Variants in HTATIP2 observed in about 807,000 individuals in gnomAD.
The protein encoded by HTATIP2 is protein HTATIP2.
HTATIP2 carries 26 observed loss-of-function variants against 24.7 expected under a neutral mutation model. The ratio of observed to expected loss-of-function variants is 1.05; its 90% CI spans 0.77 to 1.46. The LOEUF (loss-of-function observed/expected upper bound fraction) is 1.46, where lower values mean the gene tolerates loss of function less well. Ranked by LOEUF, HTATIP2 falls within the 40% of genes most tolerant of loss-of-function variation. The probability of loss-of-function intolerance (pLI) is 0.00; values close to 1 mark genes in which losing one functional copy is unlikely to be tolerated. For missense variants in HTATIP2, 284 were observed against 289.6 expected (o/e 0.98, Z 0.14); for synonymous variants, 99 against 113.2 (o/e 0.87, Z 0.79).
chr11:20,382,270 A>G, intron 4 of HTATIP2, 31 bp downstream of exon 4: 1 of 1,262,922 alleles, frequency 7.9e-7, no homozygotes. Flanking sequence ...GAATGAGAGT[A>G]TGCCACTGAT....
At position 20,383,173 on chromosome 11, in the gene HTATIP2, C is replaced by G; in HGVS notation, c.697C>G (p.Leu233Val). 1 of 1,613,890 alleles carries G rather than the reference C, an allele frequency of 6.2e-7. No individual in the cohort carries two copies. The highest frequency in any genetic ancestry group is 8.5e-7 in the Non-Finnish European group (1 of 1,179,930). ...GCTGGAGAACAAGGCCATCCATGAC[C>G]TGGGGAAAGCGCATGGCTCTCTCAA... The part of the protein sequence containing the change: ...ELLENKAIHD[L>V]GKAHGSLKP The change falls in exon 5 of 5, where the codon CTG (leucine) becomes GTG (valine). Residue 233 changes from leucine to valine, a missense_variant. Transcript: ENST00000451739.
chr11:20,364,348 A>G lies in HTATIP2; in HGVS notation c.111A>G (p.Glu37=), dbSNP rs775589236. The G allele has an allele frequency of 1.2e-6, 2 of 1,613,660 alleles. No homozygotes were observed. The highest frequency in any genetic ancestry group is 2.7e-5 in the African/African-American group (2 of 75,054). The stretch of plus-strand genomic sequence containing the variant: ...AAACCGGCAGAGTGCTCTTAAAGGA[A>G]ATCCTGGAGCAGGGCCTGTTTTCCA... ...SGETGRVLLK[E]ILEQGLFSKV... The change falls in exon 1 of 5, where the codon GAA becomes GAG. Residue 37 remains glutamate, a synonymous_variant. Coordinates refer to ENST00000451739, the MANE Select transcript of HTATIP2 (RefSeq NM_001098522.2).
At chr11:20,376,783 TATAAA>T in intron 3 of HTATIP2, 66 bp downstream of exon 3, 2 of 1,200,916 alleles carry the variant, frequency 1.7e-6, no homozygotes, top group Non-Finnish European at 2.3e-6. Flanking sequence ...TACTAAAGAA[TATAAA>T]ATATTATATA....
chr11:20,366,026 G>A (rs1337751004), intron 1 of HTATIP2, among the ~76,000 whole-genome samples: 1 of 149,062 alleles, frequency 6.7e-6, no homozygotes, highest in Non-Finnish European at 1.5e-5. Context: ...TTTGAGTGTC[G>A]AGTTTTGGTG....
rs377053407 is a variant in HTATIP2, at chr11:20,374,659, T to G, written c.304-1921T>G. On this transcript the variant is annotated intron_variant, in intron 2 of 4. Transcript: ENST00000451739. Reference sequence around the variant, plus strand: ...TTGGGCCCACATGGATAATTCAAACTAATCTCTCTGTTTCAAGGCCAGCTG... The same window carrying G: ...TTGGGCCCACATGGATAATTCAAACGAATCTCTCTGTTTCAAGGCCAGCTG... 4.6e-5 allele frequency among the ~76,000 whole-genome samples: 7 copies of G among 152,322 alleles called. No individual in the cohort carries two copies. In the East Asian group the frequency reaches 9.6e-4, roughly 21 times the overall value.
At position 20,367,247 on chromosome 11, in the gene HTATIP2, G is replaced by A; in HGVS notation, c.269G>A (p.Cys90Tyr). ...SAFQGHDVGFCCLGTTRGKAG... is the reference protein window; with the variant it reads ...SAFQGHDVGFYCLGTTRGKAG... ...TTTCAAGGTCATGATGTTGGATTCTGTTGCCTGGGTACCACCAGAGGGAAA... is the reference window on the plus strand; with the variant it reads ...TTTCAAGGTCATGATGTTGGATTCTATTGCCTGGGTACCACCAGAGGGAAA... Residue 90 changes from cysteine to tyrosine, a missense_variant, in exon 2 of 5, where the codon TGT becomes TAT. Coordinates refer to ENST00000451739, the MANE Select transcript of HTATIP2 (RefSeq NM_001098522.2). The A allele has an allele frequency of 6.2e-7, 1 of 1,614,122 alleles. No homozygotes were observed. The highest frequency in any genetic ancestry group is 8.5e-7 in the Non-Finnish European group (1 of 1,180,024).
intron 2 of HTATIP2, among the ~76,000 whole-genome samples, chr11:20,372,302 A>G (rs2064780216): frequency 6.6e-6 from 1 of 152,202 alleles, no homozygotes; most frequent in South Asian, 2.1e-4. Context: ...GCACTGAAAT[A>G]CTATACCTTG....
At chr11:20,381,740 G>A (rs1402860508) in intron 3 of HTATIP2, among the ~76,000 whole-genome samples, 2 of 152,126 alleles carry the variant, frequency 1.3e-5, no homozygotes, top group African/African-American at 2.4e-5. Context: ...TTAAAATTTT[G>A]TGAGGTTTAA....
At chr11:20,368,779 C>T (rs1464397534) in intron 2 of HTATIP2, among the ~76,000 whole-genome samples, 2 of 152,164 alleles carry the variant, frequency 1.3e-5, no homozygotes, top group Non-Finnish European at 2.9e-5. Context: ...TTTTTGTGTT[C>T]AAAATGGGTA....
intron 2 of HTATIP2, 73 bp downstream of exon 2, chr11:20,367,354 T>C: frequency 1.2e-6 from 2 of 1,608,232 alleles, no homozygotes. Context: ...GCTCACTCTT[T>C]TTCTTTGTGC....
rs1190777602 is a variant in HTATIP2, at chr11:20,376,567, T to C, written c.304-13T>C. The C allele has an allele frequency of 6.2e-7, 1 of 1,612,750 alleles. No individual in the cohort carries two copies. The highest frequency in any genetic ancestry group is 1.3e-5 in the African/African-American group (1 of 74,872). The stretch of plus-strand genomic sequence containing the variant: ...TGCTTTTTGGAAATAACTCATGTCC[T>C]TTTCCCCCTTAGGAGGGATTTGTTC... On this transcript the variant is annotated splice_polypyrimidine_tract_variant and intron_variant, in intron 2 of 4. Transcript: ENST00000451739.
chr11:20,383,225 T>C lies in HTATIP2; in HGVS notation c.*20T>C. 1 of 1,585,422 alleles carries C rather than the reference T, an allele frequency of 6.3e-7. No homozygotes were observed. Among genetic ancestry groups the C allele is most frequent in the Non-Finnish European group, 8.6e-7 (1 of 1,156,536 alleles). Reference sequence around the variant, plus strand: ...CCATGACCACATTGGAGAAATGGTTTTTATTGTCAACCTTAACACCCATCA... The same window carrying C: ...CCATGACCACATTGGAGAAATGGTTCTTATTGTCAACCTTAACACCCATCA... On this transcript the variant is annotated 3_prime_UTR_variant, in exon 5 of 5. Coordinates refer to ENST00000451739, the MANE Select transcript of HTATIP2 (RefSeq NM_001098522.2).
rs187420045 is a variant in HTATIP2 at position 20,375,297 on chromosome 11, C to T, written c.304-1283C>T. On this transcript the variant is annotated intron_variant, in intron 2 of 4. Transcript: ENST00000451739. The stretch of plus-strand genomic sequence containing the variant: ...AATTAAAAAAAAAAATCAGGCCGGG[C>T]GCGGTGGCTCACACCTGTAATCCCA... Among the ~76,000 whole-genome samples the T allele has an allele frequency of 3.6e-4, 55 of 152,094 alleles. No homozygotes were observed. In the East Asian group the frequency reaches 9.1e-3, roughly 25 times the overall value.
chr11:20,376,789 A>G, intron 3 of HTATIP2, 72 bp downstream of exon 3: 1 of 1,148,960 alleles, frequency 8.7e-7, no homozygotes, highest in Non-Finnish European at 1.2e-6. Context: ...AGAATATAAA[A>G]TATTATATAA....
At chr11:20,372,492 GTTTA>G (rs892584336) in intron 2 of HTATIP2, among the ~76,000 whole-genome samples, 1 of 152,170 alleles carries the variant, frequency 6.6e-6, no homozygotes, top group Non-Finnish European at 1.5e-5. Context: ...AGTATACTGT[GTTTA>G]TTCTTTTTGA....
At chr11:20,368,940 G>A (rs1463238392) in intron 2 of HTATIP2, among the ~76,000 whole-genome samples, 3 of 152,086 alleles carry the variant, frequency 2.0e-5, no homozygotes, top group Non-Finnish European at 4.4e-5. Flanking sequence ...TAGTAAGCAA[G>A]AATAGACTAA....
At position 20,364,419 on chromosome 11, in the gene HTATIP2, C is replaced by G. The variant is rs1241386738; in HGVS notation, c.182C>G (p.Ala61Gly). 1 of 1,606,768 alleles carries G rather than the reference C, an allele frequency of 6.2e-7. No homozygotes were observed. Among genetic ancestry groups the G allele is most frequent in the African/African-American group, 1.3e-5 (1 of 74,698 alleles). Reference sequence around the variant, plus strand: ...AGGAAGCTCACCTTCGACGAGGAAGCTTATAAAAATGTGGTGGGTATTTCA... The same window carrying G: ...AGGAAGCTCACCTTCGACGAGGAAGGTTATAAAAATGTGGTGGGTATTTCA... ...GRRKLTFDEE[A>G]YKNVNQEVVD... The change falls in exon 1 of 5, where the codon GCT becomes GGT. Residue 61 changes from alanine (A) to glycine (G), a missense_variant. By Grantham distance (60) the Ala-to-Gly change is moderately conservative. Coordinates refer to ENST00000451739, the MANE Select transcript of HTATIP2 (RefSeq NM_001098522.2).
At chr11:20,365,861 C>T (rs1303812380) in intron 1 of HTATIP2, among the ~76,000 whole-genome samples, 2 of 151,322 alleles carry the variant, frequency 1.3e-5, no homozygotes, top group African/African-American at 4.9e-5. Flanking sequence ...ATCTCAGCTA[C>T]TCAGGAGGCG....
intron 2 of HTATIP2, among the ~76,000 whole-genome samples, chr11:20,371,543 C>T (rs1786186379): frequency 1.3e-5 from 2 of 152,096 alleles, no homozygotes; most frequent in South Asian, 4.1e-4. Context: ...GCAATCCTCC[C>T]ACCTCAGCCT....
Sources: allele counts gnomAD v4.1 joint callset (sites outside exome capture counted in the v4.1 genomes callset), GRCh38; gene constraint gnomAD v4.1.1; transcripts MANE v1.5; gene names NCBI Gene and HGNC (gene_info 2026-07-23, HGNC 2026-07-21).